The following DUOX1 variants were observed in gnomAD, a reference collection of about 807,000 sequenced individuals.
The protein encoded by DUOX1 is NADPH thyroid oxidase 1.
DUOX1 carries 134 observed loss-of-function variants against 181.8 expected under a neutral mutation model. The observed-to-expected ratio is 0.74, with a 90% confidence interval of 0.64 to 0.85. The LOEUF (loss-of-function observed/expected upper bound fraction) is 0.85, where lower values mean the gene tolerates loss of function less well. Among genes scored for constraint, DUOX1 ranks in the 40% least tolerant of loss-of-function variants. The pLI is 0.00. For synonymous variants in DUOX1, 798 were observed against 832.5 expected (o/e 0.96, Z 0.71); for missense variants, 1,814 against 2,064.4 (o/e 0.88, Z 2.35).
rs755695699 is a variant in DUOX1 at position 45,141,024 on chromosome 15, C to G, written c.1519C>G (p.Arg507Gly). 1 of 1,614,190 alleles carries G rather than the reference C, an allele frequency of 6.2e-7. No individual in the cohort carries two copies. The highest frequency in any genetic ancestry group is 8.5e-7 in the Non-Finnish European group (1 of 1,180,046). ...FSTIVLEQFV[R>G]LRDGDRYWFE... is the part of the protein sequence containing the mutation. ...CACCATCGTCCTTGAACAATTTGTG[C>G]GGCTACGGGATGGTGACCGCTACTG... The change falls in exon 13 of 34, where the codon CGG becomes GGG. Residue 507 changes from arginine to glycine, a missense_variant. Arg to Gly is a moderately radical substitution (Grantham distance 125, BLOSUM62 -2). Coordinates refer to ENST00000389037, the MANE Select transcript of DUOX1 (RefSeq NM_175940.3).
intron 23 of DUOX1, 48 bp from the exon 24 acceptor site, chr15:45,151,826 G>C (rs1896811735): frequency 1.3e-6 from 2 of 1,569,848 alleles, no homozygotes; most frequent in Non-Finnish European, 1.7e-6. Context: ...CCCCACTAGC[G>C]TTGGGTCCCA....
intron 15 of DUOX1, among the ~76,000 whole-genome samples, chr15:45,142,737 A>AAG (rs1165997233): frequency 2.0e-5 from 3 of 148,552 alleles, no homozygotes; most frequent in Admixed American, 6.8e-5. Flanking sequence ...AAAAGAAAGA[A>AAG]AGAGAGAGAG....
rs756662712 is a variant in DUOX1, at chr15:45,138,103, T to TGTGTGTGTGA, written c.1113+92_1113+93insTGTGTGAGTG. On this transcript the variant is annotated intron_variant, in intron 10 of 33. Transcript: ENST00000389037. ...ATGTGTGTGTGTGTGTGTGTGTGTGTGTGAGTGCATGGTGAAAGTGGTCAG... is the reference window on the plus strand; with the variant it reads ...ATGTGTGTGTGTGTGTGTGTGTGTGTGTGTGTGTGAGTGAGTGCATGGTGAAAGTGGTCAG... 1.3e-3 allele frequency: 1,326 copies of TGTGTGTGTGA among 1,011,794 alleles called. 3 individuals are homozygous for TGTGTGTGTGA. The highest frequency in any genetic ancestry group is 6.3e-3 in the Middle Eastern group (20 of 3,170). The allele number at this position is 1,011,794 out of a possible 1,614,324, so 62.7% of individuals were successfully genotyped here. A position where few individuals can be genotyped will look rare whatever the true frequency, so the allele number is the denominator to read the frequency against.
chr15:45,150,890 C>T (rs527553906), intron 22 of DUOX1, among the ~76,000 whole-genome samples, 189 bp downstream of exon 22: 20 of 152,308 alleles, frequency 1.3e-4, no homozygotes, highest in Admixed American at 1.0e-3. Context: ...GATTTCCGCT[C>T]TCACTTACGG....
At chr15:45,156,459 G>A (rs1326377697) in intron 28 of DUOX1, among the ~76,000 whole-genome samples, 1 of 152,122 alleles carries the variant, frequency 6.6e-6, no homozygotes, top group Non-Finnish European at 1.5e-5. Flanking sequence ...TTGAGACAGA[G>A]TCTCGCCCTG....
chr15:45,155,693 T>C, intron 27 of DUOX1, 109 bp from the exon 28 acceptor site: 4 of 1,522,360 alleles, frequency 2.6e-6, no homozygotes, highest in Non-Finnish European at 1.8e-6. Flanking sequence ...TGCTGGGACA[T>C]TCTTACTCCA....
chr15:45,143,492 ATTGGACC>A (rs778274395), intron 16 of DUOX1, among the ~76,000 whole-genome samples, 189 bp downstream of exon 16: 26 of 152,218 alleles, frequency 1.7e-4, no homozygotes, highest in Admixed American at 4.6e-4. Context: ...TGCAGCAGTC[ATTGGACC>A]TTGCCTTACA....
At chr15:45,145,103 A>G (rs377298790) in intron 18 of DUOX1, 23 bp downstream of exon 18, 1 of 1,559,706 alleles carries the variant, frequency 6.4e-7, no homozygotes, top group South Asian at 1.2e-5. Flanking sequence ...GACCAGATCA[A>G]TCCTTATGCT....
chr15:45,158,746 C>T (rs967122841), intron 28 of DUOX1, among the ~76,000 whole-genome samples: 1 of 134,202 alleles, frequency 7.5e-6, no homozygotes, highest in South Asian at 2.7e-4. Flanking sequence ...ATCTGTGTAT[C>T]TGTGGAGGGT....
intron 21 of DUOX1, among the ~76,000 whole-genome samples, chr15:45,148,873 C>A (rs1292980779): frequency 2.0e-5 from 3 of 151,676 alleles, no homozygotes; most frequent in Admixed American, 6.6e-5. Flanking sequence ...CCAGGCCATA[C>A]TTCCTTCAGC....
At chr15:45,132,457 G>T (rs1223991492) in intron 2 of DUOX1, among the ~76,000 whole-genome samples, 1 of 152,198 alleles carries the variant, frequency 6.6e-6, no homozygotes, top group East Asian at 1.9e-4. Flanking sequence ...AAAAACAAAA[G>T]CAATATCTTC....
Position 45,142,207 on chromosome 15 carries a change from C to T in DUOX1, c.1822+95C>T, listed in dbSNP as rs1047877772. On this transcript the variant is annotated intron_variant, in intron 15 of 33. Coordinates refer to ENST00000389037, the MANE Select transcript of DUOX1 (RefSeq NM_175940.3). ...TAATGACAACAAACCACGCAAACCA[C>T]ACAGAGCATGGTCCCTTTGGGTAGG... 1.8e-5 allele frequency: 25 copies of T among 1,378,872 alleles called. No individual in the cohort carries two copies. The Admixed American group carries it at 2.5e-4, about 14-fold the overall frequency. The allele number at this position is 1,378,872 out of a possible 1,614,324, so 85.4% of individuals were successfully genotyped here.
At chr15:45,153,258 C>A (rs16939774) in intron 25 of DUOX1, 122 bp from the exon 26 acceptor site, 2 of 581,788 alleles carry the variant, frequency 3.4e-6, no homozygotes, top group Non-Finnish European at 6.3e-6. Context: ...GGTCAGAAGT[C>A]GAGACTCCTA....
chr15:45,142,788 G>GCA (rs879768286), intron 15 of DUOX1, among the ~76,000 whole-genome samples: 1 of 142,140 alleles, frequency 7.0e-6, no homozygotes, highest in African/African-American at 2.7e-5. Flanking sequence ...AGGAAGGAAG[G>GCA]GAGGGAGGAA....
In DUOX1 at chr15:45,137,825, G is replaced by A. The variant is rs912190220; in HGVS notation, c.1023-99G>A. Reference sequence around the variant, plus strand: ...CCACACACCACCTCGGAAAGACGATGGCCTGGGGTCCCTGGATACCGCCTC... The same window carrying A: ...CCACACACCACCTCGGAAAGACGATAGCCTGGGGTCCCTGGATACCGCCTC... On this transcript the variant is annotated intron_variant, in intron 9 of 33. Transcript: ENST00000389037. The A allele has an allele frequency of 5.4e-6, 5 of 917,792 alleles. No homozygotes were observed. In the Admixed American group the frequency reaches 7.2e-5, roughly 13 times the overall value. 56.9% of individuals were successfully genotyped at this position (917,792 alleles called of 1,614,324 possible).
intron 5 of DUOX1, 30 bp downstream of exon 5, chr15:45,135,321 C>G (rs1295973506): frequency 3.2e-6 from 5 of 1,562,180 alleles, no homozygotes; most frequent in Non-Finnish European, 4.3e-6. Context: ...GGGAAGGGAC[C>G]GCACCCCAGC....
rs755904724 is a variant in DUOX1, at chr15:45,135,124, C to A, written c.328C>A (p.Leu110Met). 2 of 1,613,832 alleles carry A rather than the reference C, an allele frequency of 1.2e-6. No individual in the cohort carries two copies. The highest frequency in any genetic ancestry group is 2.2e-5 in the South Asian group (2 of 91,064). Residue 110 changes from leucine to methionine, a missense_variant, in exon 5 of 34, where the codon CTG becomes ATG. Physicochemically the swap from Leu to Met is conservative, Grantham distance 15 (BLOSUM62 2). Around this residue, in one of 5 missense-constraint regions of DUOX1, gnomAD observed 320 missense variants for 313.1 expected, o/e 1.02. Coordinates refer to ENST00000389037, the MANE Select transcript of DUOX1 (RefSeq NM_175940.3). ...VFFGYHVLSD[L>M]VSVETPGCPA... ...CGCAGGCTATCACGTGCTTTCAGAC[C>A]TGGTGAGCGTGGAAACTCCCGGCTG...
chr15:45,141,421 A>G lies in DUOX1; in HGVS notation c.1684+11A>G. 6.2e-7 allele frequency: 1 copy of G among 1,614,004 alleles called. No homozygotes were observed. Among genetic ancestry groups the G allele is most frequent in the Non-Finnish European group, 8.5e-7 (1 of 1,179,856 alleles). On this transcript the variant is annotated intron_variant, in intron 14 of 33. Transcript: ENST00000389037. ...TTGTCTGGCATAAAGGTGAGTGGCC[A>G]AGGGGTGGCTGGAGGAGTGGTGGGT... is the stretch of plus-strand genomic sequence containing the variant.
At chr15:45,138,992 G>A (rs1391222827) in intron 10 of DUOX1, 74 bp from the exon 11 acceptor site, 2 of 1,351,672 alleles carry the variant, frequency 1.5e-6, no homozygotes, top group Non-Finnish European at 2.1e-6. Flanking sequence ...GGATGATGGT[G>A]TGGAGGGAGC....
Sources: gnomAD v4.1 joint callset for allele counts (sites outside exome capture counted in the v4.1 genomes callset) on GRCh38, gnomAD v4.1.1 for gene constraint, gnomAD v4.1.1 regional missense constraint, MANE v1.5 for transcripts, NCBI Gene and HGNC (gene_info 2026-07-23, HGNC 2026-07-21) for gene names.